AAGAB: variants seen among roughly 807,000 people sequenced by gnomAD.
AAGAB encodes the protein alpha and gamma adaptin binding protein.
In AAGAB, 38 loss-of-function variants were observed where a neutral mutation model predicts 44.1. The ratio of observed to expected loss-of-function variants is 0.86; its 90% confidence interval spans 0.67 to 1.13. The LOEUF (loss-of-function observed/expected upper bound fraction) is 1.13. AAGAB is among the 50% of genes most tolerant of loss of function. AAGAB has a pLI of 0.00. For missense variants in AAGAB, 450 were observed against 373.8 expected, an observed-to-expected ratio of 1.20 and a Z score of -1.68; for synonymous variants, 131 against 131.8, an observed-to-expected ratio of 0.99 and a Z score of 0.04.
In AAGAB at chr15:67,207,466, T is replaced by C. The variant is rs536825383; in HGVS notation, c.715+1096A>G. ...GGTACATCTTGGCCTTCCCTTTTCC[T>C]TATTTGTAACCTTTTTCCTCTGGCA... On this transcript the variant is annotated intron_variant, in intron 7 of 9. Coordinates refer to ENST00000261880, the MANE Select transcript of AAGAB (RefSeq NM_024666.5). Among the ~76,000 whole-genome samples the C allele has an allele frequency of 1.1e-4, 16 of 152,372 alleles. No individual in the cohort carries two copies. The East Asian group carries it at 2.7e-3, about 26-fold the overall frequency.
chr15:67,237,585 G>A (rs1964500992), intron 1 of AAGAB, among the ~76,000 whole-genome samples: 1 of 152,154 alleles, frequency 6.6e-6, no homozygotes, highest in South Asian at 2.1e-4. Context: ...TATAGACATG[G>A]TTATGGAGCC....
intron 5 of AAGAB, among the ~76,000 whole-genome samples, chr15:67,230,019 G>A (rs1004815407): frequency 6.6e-6 from 1 of 150,970 alleles, no homozygotes; most frequent in Non-Finnish European, 1.5e-5. Flanking sequence ...GCTAATTTTT[G>A]TATTTTTTTT....
rs1327407298 is a variant in AAGAB at position 67,236,323 on chromosome 15, T to C, written c.361+85A>G. ...GCCATAAAGTCACATGGGATGTATG[T>C]CCTAAGTTAAAGAAACAGATGTACT... On this transcript the variant is annotated intron_variant, in intron 3 of 9. Coordinates refer to ENST00000261880, the MANE Select transcript of AAGAB (RefSeq NM_024666.5). 5.4e-6 allele frequency: 7 copies of C among 1,286,110 alleles called. No individual in the cohort carries two copies. The East Asian group carries it at 1.6e-4, about 30-fold the overall frequency. 79.7% of individuals were successfully genotyped at this position (1,286,110 alleles called of 1,614,324 possible).
intron 4 of AAGAB, among the ~76,000 whole-genome samples, chr15:67,235,672 T>A (rs1287493105): frequency 6.6e-6 from 1 of 152,134 alleles, no homozygotes; most frequent in Non-Finnish European, 1.5e-5. Context: ...GGTCTAACTC[T>A]CCTTCTTCAG....
Position 67,236,488 on chromosome 15 carries a change from C to CT in AAGAB, c.280dup (p.Ser94LysfsTer15). The CT allele has an allele frequency of 6.2e-7, 1 of 1,613,978 alleles. No individual in the cohort carries two copies. The highest frequency in any genetic ancestry group is 8.5e-7 in the Non-Finnish European group (1 of 1,179,964). ...TGCCAGTGGAAGCCATGAGGAGACA[C>CT]TATCAAGGCCCGATTTCTAGAGGGA... On this transcript the variant is annotated frameshift_variant, in exon 3 of 10. Coordinates refer to ENST00000261880, the MANE Select transcript of AAGAB (RefSeq NM_024666.5). LOFTEE classifies it high-confidence loss of function.
At chr15:67,213,869 TC>T (rs1159272215) in intron 5 of AAGAB, among the ~76,000 whole-genome samples, 2 of 152,260 alleles carry the variant, frequency 1.3e-5, no homozygotes, top group Non-Finnish European at 2.9e-5. Context: ...AAGTATGCCT[TC>T]TACACACAAT....
chr15:67,205,136 C>T (rs931793255), intron 7 of AAGAB, among the ~76,000 whole-genome samples: 11 of 152,132 alleles, frequency 7.2e-5, no homozygotes, highest in Non-Finnish European at 1.0e-4. Flanking sequence ...CCATTACTAG[C>T]GATAAAGCCA....
chr15:67,227,422 T>C, intron 5 of AAGAB, among the ~76,000 whole-genome samples: 1 of 152,204 alleles, frequency 6.6e-6, no homozygotes, highest in Non-Finnish European at 1.5e-5. Flanking sequence ...ACAATGTGAA[T>C]GCACTTACTG....
intron 1 of AAGAB, among the ~76,000 whole-genome samples, chr15:67,239,074 A>C (rs554008216): frequency 1.3e-5 from 2 of 152,296 alleles, no homozygotes; most frequent in South Asian, 4.1e-4. Context: ...ACAGTAATGA[A>C]TTCACTTGTT....
chr15:67,231,464 T>G (rs953667772), intron 5 of AAGAB, among the ~76,000 whole-genome samples: 1 of 152,202 alleles, frequency 6.6e-6, no homozygotes, highest in Non-Finnish European at 1.5e-5. Context: ...CATCACAGAT[T>G]GCCTTGCATA....
chr15:67,216,707 A>C (rs531936980), intron 5 of AAGAB, among the ~76,000 whole-genome samples: 25 of 152,174 alleles, frequency 1.6e-4, no homozygotes, highest in Middle Eastern at 3.4e-3. Context: ...TGAAAATCCT[A>C]AAAGGAATGT....
In AAGAB at chr15:67,236,636, G is replaced by A; in HGVS notation, c.258C>T (p.Ser86=). ...SVQAFVVYFD[S]TQKSGLDSVS... is the part of the protein sequence containing the mutation. ...ATAGAAAACAAAGTCTTACTTGTGT[G>A]CTGTCAAAGTAAACCACAAATGCTT... is the stretch of plus-strand genomic sequence containing the variant. Residue 86 remains serine (S), a synonymous_variant, in exon 2 of 10, where the codon AGC becomes AGT. Coordinates refer to ENST00000261880, the MANE Select transcript of AAGAB (RefSeq NM_024666.5). 2.5e-6 allele frequency: 4 copies of A among 1,612,904 alleles called. No homozygotes were observed. Among genetic ancestry groups the A allele is most frequent in the Non-Finnish European group, 3.4e-6 (4 of 1,179,580 alleles).
intron 5 of AAGAB, among the ~76,000 whole-genome samples, chr15:67,209,766 C>G (rs1424646038): frequency 6.6e-6 from 1 of 152,212 alleles, no homozygotes; most frequent in Admixed American, 6.5e-5. Context: ...GATCCTCCTT[C>G]CTCAGCCTCC....
At chr15:67,221,168 A>G (rs954895027) in intron 5 of AAGAB, 2 of 152,156 alleles carry the variant, frequency 1.3e-5, no homozygotes, top group Admixed American at 6.5e-5. Flanking sequence ...ACCTTTCCCA[A>G]TTCTGTTGGA....
At chr15:67,248,384 A>C (rs1964779133) in intron 1 of AAGAB, among the ~76,000 whole-genome samples, 1 of 152,220 alleles carries the variant, frequency 6.6e-6, no homozygotes, top group South Asian at 2.1e-4. Flanking sequence ...GAAGAAAATA[A>C]AGACATGGAA....
intron 5 of AAGAB, among the ~76,000 whole-genome samples, chr15:67,216,199 T>C (rs2140354266): frequency 6.6e-6 from 1 of 152,026 alleles, no homozygotes; most frequent in East Asian, 1.9e-4. Context: ...ATCCCAGCAC[T>C]TTGGGAGGCC....
At chr15:67,247,625 C>T (rs774919115) in intron 1 of AAGAB, among the ~76,000 whole-genome samples, 4 of 152,140 alleles carry the variant, frequency 2.6e-5, no homozygotes, top group South Asian at 2.1e-4. Flanking sequence ...CCCTCATTTA[C>T]GGTATGCCAT....
chr15:67,233,387 G>T (rs1310755395), intron 4 of AAGAB, among the ~76,000 whole-genome samples: 4 of 152,130 alleles, frequency 2.6e-5, no homozygotes, highest in Non-Finnish European at 5.9e-5. Context: ...TACCAAAAAA[G>T]GTGGTATTCT....
At chr15:67,213,606 GGCAATATGACAA>G (rs1963874533) in intron 5 of AAGAB, among the ~76,000 whole-genome samples, 1 of 152,010 alleles carries the variant, frequency 6.6e-6, no homozygotes, top group Admixed American at 6.5e-5. Flanking sequence ...TTATTTACCA[GGCAATATGACAA>G]GCATATGAAT....
Sources: gnomAD v4.1 joint callset for allele counts (sites outside exome capture counted in the v4.1 genomes callset) on GRCh38, gnomAD v4.1.1 for gene constraint, MANE v1.5 for transcripts, NCBI Gene and HGNC (gene_info 2026-07-23, HGNC 2026-07-21) for gene names.